Variants in SEMA6D observed in about 807,000 individuals in gnomAD.
The protein encoded by SEMA6D is semaphorin-6D.
SEMA6D carries 35 observed loss-of-function variants against 106.6 expected under a neutral mutation model. The observed-to-expected ratio is 0.33, with a 90% CI of 0.25 to 0.44. The LOEUF (loss-of-function observed/expected upper bound fraction) is 0.44, where lower values mean the gene tolerates loss of function less well. Ranked by LOEUF, SEMA6D falls within the 20% of genes least tolerant of loss-of-function variation. SEMA6D has a pLI of 1.00. For synonymous variants in SEMA6D, 499 were observed against 487.7 expected, an observed-to-expected ratio of 1.02 and a Z score of -0.31; for missense variants, 1,185 against 1,345.9, an observed-to-expected ratio of 0.88 and a Z score of 1.87.
intron 1 of SEMA6D, among the ~76,000 whole-genome samples, chr15:47,257,836 G>A (rs2033887184): frequency 6.6e-6 from 1 of 151,866 alleles, no homozygotes; most frequent in Non-Finnish European, 1.5e-5. Context: ...TGATTTTTCT[G>A]CTGAAGAAGA....
At chr15:47,259,282 A>C (rs2033954271) in intron 1 of SEMA6D, among the ~76,000 whole-genome samples, 1 of 152,174 alleles carries the variant, frequency 6.6e-6, no homozygotes, top group South Asian at 2.1e-4. Context: ...ATGCTGCAAG[A>C]TACCTTTATT....
At chr15:47,548,095 G>A (rs1257883923) in intron 3 of SEMA6D, among the ~76,000 whole-genome samples, 2 of 152,146 alleles carry the variant, frequency 1.3e-5, no homozygotes, top group Admixed American at 6.6e-5. Context: ...AGATAAGATG[G>A]TGTGCTCTGC....
intron 1 of SEMA6D, among the ~76,000 whole-genome samples, chr15:47,230,455 G>T (rs1354145843): frequency 6.6e-6 from 1 of 152,018 alleles, no homozygotes; most frequent in African/African-American, 2.4e-5. Flanking sequence ...AGTGTCAGTT[G>T]TGTGAGAGTA....
rs508301 is a variant in SEMA6D at position 47,361,521 on chromosome 15, G to T, written c.-238-50872G>T. Among the ~76,000 whole-genome samples the T allele has an allele frequency of 8.4e-3, 1,279 of 152,240 alleles. 25 individuals carry two copies. The highest frequency in any genetic ancestry group is 0.029 in the African/African-American group (1,216 of 41,524). ...AGGTTGGAGTAGAAAGTCTCTTACT[G>T]CCTCTTTCAGCTCAAATCTAAGTAA... On this transcript the variant is annotated intron_variant, in intron 1 of 19. Coordinates refer to the SEMA6D transcript ENST00000558014.
At chr15:47,450,246 A>G (rs1252713688) in intron 2 of SEMA6D, among the ~76,000 whole-genome samples, 1 of 152,144 alleles carries the variant, frequency 6.6e-6, no homozygotes, top group Non-Finnish European at 1.5e-5. Context: ...CTGACCAGAT[A>G]ATGTCAGAGA....
chr15:47,335,901 C>A (rs2037535562), intron 1 of SEMA6D, among the ~76,000 whole-genome samples: 1 of 152,092 alleles, frequency 6.6e-6, no homozygotes. Flanking sequence ...CCGGATGGAG[C>A]CTGTGATGTT....
chr15:47,761,388 T>C lies in SEMA6D; in HGVS notation c.404T>C (p.Val135Ala). The C allele has an allele frequency of 1.2e-6, 2 of 1,613,468 alleles. No homozygotes were observed. Among genetic ancestry groups the C allele is most frequent in the Non-Finnish European group, 1.7e-6 (2 of 1,179,668 alleles). The change falls in exon 6 of 19, where the codon GTT becomes GCT. Residue 135 changes from valine to alanine, a missense_variant. By Grantham distance (64) the Val-to-Ala change is moderately conservative (BLOSUM62 0). Around this residue, in one of 3 missense-constraint regions of SEMA6D, gnomAD observed 291 missense variants for 423.8 expected, o/e 0.69. Transcript: ENST00000536845. The part of the protein sequence containing the change: ...FVPRNDEMVF[V>A]CGTNAFNPMC... ...CCAAGAAACGATGAGATGGTTTTTGTTTGTGGTACCAATGCATTCAATCCC... is the reference window on the plus strand; with the variant it reads ...CCAAGAAACGATGAGATGGTTTTTGCTTGTGGTACCAATGCATTCAATCCC...
intron 2 of SEMA6D, among the ~76,000 whole-genome samples, chr15:47,428,247 C>T (rs1006791463): frequency 5.9e-5 from 9 of 151,910 alleles, no homozygotes; most frequent in Non-Finnish European, 1.0e-4. Flanking sequence ...CCCAGCACCA[C>T]GACATATAAA....
At chr15:47,602,506 T>A (rs2143517856) in intron 4 of SEMA6D, among the ~76,000 whole-genome samples, 1 of 152,082 alleles carries the variant, frequency 6.6e-6, no homozygotes, top group Admixed American at 6.6e-5. Context: ...GAGGGGGGCT[T>A]GTGGGGAGAG....
chr15:47,317,523 T>C (rs2036730341), intron 1 of SEMA6D, among the ~76,000 whole-genome samples: 1 of 152,204 alleles, frequency 6.6e-6, no homozygotes, highest in Non-Finnish European at 1.5e-5. Context: ...GAAGAACTTT[T>C]AGCATTTCTT....
intron 1 of SEMA6D, among the ~76,000 whole-genome samples, chr15:47,261,619 T>C (rs1024483152): frequency 1.3e-5 from 2 of 152,142 alleles, no homozygotes; most frequent in African/African-American, 2.4e-5. Flanking sequence ...TTTAAAACAT[T>C]TTCATCACCT....
At position 47,320,501 on chromosome 15, in the gene SEMA6D, C is replaced by T. The variant is rs1042916863; in HGVS notation, c.-238-91892C>T. On this transcript the variant is annotated intron_variant, in intron 1 of 19. Transcript: ENST00000558014. ...ACATTACCTGTTTTTAAAGCTTTAGCTCCCCAACATGTTAGAAAGATCATC... is the reference window on the plus strand; with the variant it reads ...ACATTACCTGTTTTTAAAGCTTTAGTTCCCCAACATGTTAGAAAGATCATC... 2.0e-5 allele frequency among the ~76,000 whole-genome samples: 3 copies of T among 152,260 alleles called. No individual in the cohort carries two copies. The East Asian group carries it at 5.8e-4, about 29-fold the overall frequency.
chr15:47,241,096 T>C (rs930629044), intron 1 of SEMA6D: 4 of 152,190 alleles, frequency 2.6e-5, no homozygotes, highest in African/African-American at 9.7e-5. Flanking sequence ...GAGATTAGAA[T>C]GCAAATGGCA....
chr15:47,712,663 A>G (rs377196771), upstream of SEMA6D, among the ~76,000 whole-genome samples: 11 of 152,220 alleles, frequency 7.2e-5, no homozygotes, highest in Admixed American at 5.2e-4. Context: ...GAAGTAAATA[A>G]ACTTTTAATT....
At chr15:47,477,925 A>G (rs2043045550) in intron 3 of SEMA6D, among the ~76,000 whole-genome samples, 1 of 152,178 alleles carries the variant, frequency 6.6e-6, no homozygotes, top group South Asian at 2.1e-4. Context: ...ATAAAAACTA[A>G]AATTATGACC....
intron 1 of SEMA6D, among the ~76,000 whole-genome samples, chr15:47,205,693 A>G (rs1050244597): frequency 6.6e-6 from 1 of 152,218 alleles, no homozygotes; most frequent in Non-Finnish European, 1.5e-5. Flanking sequence ...ATGGCATTAT[A>G]TATTCTTTTA....
intron 4 of SEMA6D, among the ~76,000 whole-genome samples, chr15:47,611,750 C>A (rs1251738820): frequency 6.6e-6 from 1 of 152,030 alleles, no homozygotes; most frequent in Non-Finnish European, 1.5e-5. Flanking sequence ...AAATAGTTTG[C>A]AAGGAAGGAA....
intron 3 of SEMA6D, among the ~76,000 whole-genome samples, chr15:47,479,716 C>T (rs527333122): frequency 7.2e-5 from 11 of 152,122 alleles, no homozygotes; most frequent in African/African-American, 2.7e-4. Flanking sequence ...GGGCCATTTG[C>T]TATCAAAGGA....
intron 1 of SEMA6D, among the ~76,000 whole-genome samples, chr15:47,407,430 A>ACAAAAAT (rs2040630852): frequency 6.6e-6 from 1 of 151,584 alleles, no homozygotes; most frequent in South Asian, 2.1e-4. Context: ...AAAAAAACAA[A>ACAAAAAT]CAAAAATACT....
Sources: allele counts gnomAD v4.1 joint callset (sites outside exome capture counted in the v4.1 genomes callset), GRCh38; gene constraint gnomAD v4.1.1; regional missense constraint gnomAD v4.1.1; transcripts MANE v1.5; gene names NCBI Gene and HGNC (gene_info 2026-07-23, HGNC 2026-07-21).